Variants in NXPE4 observed in about 807,000 individuals in gnomAD.
The protein encoded by NXPE4 is NXPE family member 4.
A neutral mutation model predicts 33.3 loss-of-function variants in NXPE4; 42 were observed. The ratio of observed to expected loss-of-function variants is 1.26; its 90% CI spans 0.98 to 1.63. The LOEUF is 1.63. Among genes scored for constraint, NXPE4 ranks in the 40% most tolerant of loss-of-function variants. The probability of loss-of-function intolerance (pLI) is 0.00; values close to 1 mark genes in which losing one functional copy is unlikely to be tolerated. For synonymous variants in NXPE4, 253 were observed against 234.9 expected (o/e 1.08, Z -0.71); for missense variants, 709 against 647.6 (o/e 1.09, Z -1.03).
chr11:114,614,732 G>A, the NXPE4 span, among the ~76,000 whole-genome samples: 8 of 151,758 alleles, frequency 5.3e-5, no homozygotes, highest in East Asian at 2.0e-4. Context: ...TGCCTCCTGC[G>A]TAACCAGTGT....
the NXPE4 span, among the ~76,000 whole-genome samples, chr11:114,647,421 A>C: frequency 8.5e-5 from 13 of 152,312 alleles, no homozygotes; most frequent in African/African-American, 2.9e-4. Flanking sequence ...TGTCACTTGT[A>C]AAACTATCTA....
intron 2 of NXPE4, among the ~76,000 whole-genome samples, chr11:114,586,537 A>T (rs371174212): frequency 1.9e-4 from 29 of 152,216 alleles, no homozygotes; most frequent in African/African-American, 5.8e-4. Context: ...TGCCAGGGAG[A>T]ACTTAGCTAA....
chr11:114,639,078 T>C, the NXPE4 span, among the ~76,000 whole-genome samples: 38 of 152,204 alleles, frequency 2.5e-4, no homozygotes, highest in Admixed American at 1.3e-4. Flanking sequence ...AGGTGGAGCC[T>C]ACAGAGGCAG....
At chr11:114,602,937 C>T in the NXPE4 span, among the ~76,000 whole-genome samples, 3 of 148,658 alleles carry the variant, frequency 2.0e-5, no homozygotes, top group South Asian at 2.1e-4. Flanking sequence ...TATATAATTA[C>T]AGAATCATAA....
At chr11:114,633,085 T>C in the NXPE4 span, among the ~76,000 whole-genome samples, 1 of 120,424 alleles carries the variant, frequency 8.3e-6, no homozygotes, top group Non-Finnish European at 1.6e-5. Context: ...TAATTTATCT[T>C]TTATGTATTT....
chr11:114,627,199 C>T, the NXPE4 span, among the ~76,000 whole-genome samples: 1 of 151,954 alleles, frequency 6.6e-6, no homozygotes, highest in Non-Finnish European at 1.5e-5. Flanking sequence ...AGAAGAGCAA[C>T]CCCAAGACAC....
the NXPE4 span, among the ~76,000 whole-genome samples, chr11:114,606,190 G>T: frequency 6.6e-6 from 1 of 151,744 alleles, no homozygotes; most frequent in Non-Finnish European, 1.5e-5. Context: ...GGTAATCACA[G>T]TTACCCGGTG....
chr11:114,581,667 G>A, intron 4 of NXPE4, 58 bp downstream of exon 4: 1 of 1,352,296 alleles, frequency 7.4e-7, no homozygotes, highest in Non-Finnish European at 1.1e-6. Context: ...GTAGAAAGAA[G>A]AAACCCTTTA....
the NXPE4 span, among the ~76,000 whole-genome samples, chr11:114,673,841 C>T: frequency 2.0e-5 from 3 of 151,940 alleles, no homozygotes; most frequent in African/African-American, 7.2e-5. Flanking sequence ...GATAGCCTCC[C>T]TCAAATTGCT....
chr11:114,588,779 T>C (rs1427899744), intron 2 of NXPE4, among the ~76,000 whole-genome samples: 1 of 152,188 alleles, frequency 6.6e-6, no homozygotes. Flanking sequence ...ACAGCCTTTA[T>C]GGAAAGGCTG....
the NXPE4 span, among the ~76,000 whole-genome samples, chr11:114,650,952 G>A: frequency 2.0e-5 from 3 of 152,074 alleles, no homozygotes; most frequent in South Asian, 6.2e-4. Flanking sequence ...GAGCACATCA[G>A]GAAGCAGGAA....
the NXPE4 span, among the ~76,000 whole-genome samples, chr11:114,619,111 A>G: frequency 5.3e-5 from 8 of 152,090 alleles, no homozygotes; most frequent in African/African-American, 9.6e-5. Flanking sequence ...CACTGTGGAT[A>G]ATAAGTGTTG....
At chr11:114,605,684 A>G in the NXPE4 span, among the ~76,000 whole-genome samples, 14 of 151,916 alleles carry the variant, frequency 9.2e-5, 1 homozygote, top group Middle Eastern at 6.8e-3. Flanking sequence ...ATGTGTAACC[A>G]TTGTTACCCT....
At chr11:114,667,845 C>A in the NXPE4 span, among the ~76,000 whole-genome samples, 1 of 152,088 alleles carries the variant, frequency 6.6e-6, no homozygotes, top group African/African-American at 2.4e-5. Flanking sequence ...GATCTTGAGG[C>A]AGAACCACCC....
the NXPE4 span, among the ~76,000 whole-genome samples, chr11:114,614,984 C>T: frequency 2.7e-5 from 4 of 150,480 alleles, no homozygotes; most frequent in South Asian, 6.3e-4. Context: ...TCGTGAGTAA[C>T]CACTGTTACC....
chr11:114,672,041 C>T, the NXPE4 span, among the ~76,000 whole-genome samples: 2 of 151,952 alleles, frequency 1.3e-5, no homozygotes, highest in Admixed American at 6.6e-5. Flanking sequence ...CTTCACATGG[C>T]TGGTGGGAAA....
chr11:114,647,969 G>A, the NXPE4 span, among the ~76,000 whole-genome samples: 1 of 151,964 alleles, frequency 6.6e-6, no homozygotes, highest in Non-Finnish European at 1.5e-5. Context: ...CAAAGTTCTG[G>A]GATTACAGGC....
the NXPE4 span, among the ~76,000 whole-genome samples, chr11:114,654,869 G>A: frequency 6.6e-6 from 1 of 151,964 alleles, no homozygotes; most frequent in Non-Finnish European, 1.5e-5. Context: ...TGGTATTTCT[G>A]GTTCTAGATC....
At chr11:114,634,536 C>T in the NXPE4 span, among the ~76,000 whole-genome samples, 1 of 151,988 alleles carries the variant, frequency 6.6e-6, no homozygotes, top group East Asian at 1.9e-4. Context: ...GAAGTCCTTG[C>T]CCATGCCTAT....
Sources: gnomAD v4.1 joint callset for allele counts (sites outside exome capture counted in the v4.1 genomes callset) on GRCh38, gnomAD v4.1.1 for gene constraint, MANE v1.5 for transcripts, NCBI Gene and HGNC (gene_info 2026-07-23, HGNC 2026-07-21) for gene names.